ARHGAP32: variants seen among roughly 807,000 people sequenced by gnomAD.
ARHGAP32 encodes the protein rho GTPase-activating protein 32.
A neutral mutation model predicts 186.5 loss-of-function variants in ARHGAP32; 51 were observed. The observed-to-expected ratio is 0.27, with a 90% confidence interval of 0.22 to 0.35. ARHGAP32 has a LOEUF of 0.35. Among genes scored for constraint, ARHGAP32 ranks in the 10% least tolerant of loss-of-function variants. ARHGAP32 has a pLI of 1.00. For missense variants in ARHGAP32, 2,186 were observed against 2,623.5 expected, an observed-to-expected ratio of 0.83 and a Z score of 3.64; for synonymous variants, 950 against 964.3, an observed-to-expected ratio of 0.99 and a Z score of 0.27.
Position 128,973,164 on chromosome 11 carries a change from G to C in ARHGAP32, c.3342C>G (p.Thr1114=). Residue 1114 remains threonine (T), a synonymous_variant, in exon 22 of 23, where the codon ACC becomes ACG. Coordinates refer to ENST00000682385, the MANE Select transcript of ARHGAP32 (RefSeq NM_001378024.1). ...AVALDKAYFQ[T]DRPAEQFHLQ... ...GGTGGAACTGCTCTGCTGGTCGATCGGTTTGGAAATAGGCCTTATCTAGAG... is the reference window on the plus strand; with the variant it reads ...GGTGGAACTGCTCTGCTGGTCGATCCGTTTGGAAATAGGCCTTATCTAGAG... 1.2e-6 allele frequency: 2 copies of C among 1,614,128 alleles called. No individual in the cohort carries two copies. The highest frequency in any genetic ancestry group is 1.7e-6 in the Non-Finnish European group (2 of 1,180,030).
chr11:128,991,027 G>A (rs4604904), intron 12 of ARHGAP32, among the ~76,000 whole-genome samples: 27,520 of 151,890 alleles, frequency 0.18, 2,634 homozygotes, highest in Non-Finnish European at 0.2. Flanking sequence ...CAGGCTCTCC[G>A]AGCACACATA....
intron 2 of ARHGAP32, among the ~76,000 whole-genome samples, chr11:129,162,148 G>C (rs1419268651): frequency 6.6e-6 from 1 of 152,124 alleles, no homozygotes; most frequent in Admixed American, 6.5e-5. Context: ...GCCTGTCAGG[G>C]GGTGGGGGCT....
chr11:129,249,201 G>C (rs1945145114), intron 1 of ARHGAP32, among the ~76,000 whole-genome samples: 1 of 151,660 alleles, frequency 6.6e-6, no homozygotes, highest in African/African-American at 2.4e-5. Flanking sequence ...AGACACTACT[G>C]AGACACACCA....
intron 18 of ARHGAP32, chr11:128,980,341 T>C (rs1945672249): frequency 2.4e-6 from 1 of 411,840 alleles, no homozygotes; most frequent in Admixed American, 4.2e-5. Context: ...TCTTCTTTTA[T>C]AAAATTACAT....
chr11:129,259,396 G>A (rs1945293574), intron 1 of ARHGAP32, among the ~76,000 whole-genome samples: 1 of 151,998 alleles, frequency 6.6e-6, no homozygotes, highest in Non-Finnish European at 1.5e-5. Context: ...ACTGAGAGAT[G>A]TTACTAGTTT....
At chr11:129,188,330 T>C (rs1299640597) in intron 1 of ARHGAP32, among the ~76,000 whole-genome samples, 1 of 152,160 alleles carries the variant, frequency 6.6e-6, no homozygotes, top group Non-Finnish European at 1.5e-5. Flanking sequence ...AAATCAAGAA[T>C]TTCTGCAGAA....
chr11:129,216,090 G>A lies in ARHGAP32; in HGVS notation c.-4-51663C>T, dbSNP rs373479142. Among the ~76,000 whole-genome samples, 150 of 152,172 alleles carry A rather than the reference G, an allele frequency of 9.9e-4. 1 individual carries two copies. The highest frequency in any genetic ancestry group is 3.3e-3 in the African/African-American group (138 of 41,522). ...AATTCTCACCTAGAGCCTCTGGAGC[G>A]AGCACAACCCTGCCCACACCTTATT... On this transcript the variant is annotated intron_variant, in intron 1 of 6. Coordinates refer to the ARHGAP32 transcript ENST00000525234.
intron 2 of ARHGAP32, among the ~76,000 whole-genome samples, chr11:129,132,259 G>A (rs943024924): frequency 3.9e-5 from 6 of 152,146 alleles, no homozygotes; most frequent in African/African-American, 1.2e-4. Context: ...CAAGAAGATC[G>A]CTTGAATCCA....
intron 11 of ARHGAP32, among the ~76,000 whole-genome samples, chr11:129,005,558 T>C (rs1937718482): frequency 6.6e-6 from 1 of 152,288 alleles, no homozygotes; most frequent in East Asian, 1.9e-4. Flanking sequence ...CTTTAGCACT[T>C]TAAATATGTC....
intron 6 of ARHGAP32, among the ~76,000 whole-genome samples, chr11:129,091,620 A>G (rs1406250037): frequency 6.6e-6 from 1 of 152,104 alleles, no homozygotes; most frequent in Non-Finnish European, 1.5e-5. Context: ...ACAGAGATAT[A>G]AAATTTGTAA....
chr11:129,229,252 C>T (rs143862474), intron 1 of ARHGAP32, among the ~76,000 whole-genome samples: 8 of 152,134 alleles, frequency 5.3e-5, no homozygotes, highest in African/African-American at 1.9e-4. Flanking sequence ...ACCTCACATA[C>T]TTATAAAGTG....
At chr11:129,068,178 T>C (rs1028561208) in intron 6 of ARHGAP32, among the ~76,000 whole-genome samples, 5 of 152,052 alleles carry the variant, frequency 3.3e-5, no homozygotes, top group African/African-American at 9.7e-5. Context: ...TATCCCCACA[T>C]TTCACAGCTT....
rs762921561 is a variant in ARHGAP32 at position 128,981,481 on chromosome 11, A to C, written c.1715T>G (p.Phe572Cys). ...CAGCACATCAACGTGATTCAGGATG[A>C]ACTCAACAACCACAGACTGAATCCT... ...EVRIQSVVVEFILNHVDVLFS... is the reference protein window; with the variant it reads ...EVRIQSVVVECILNHVDVLFS... The change falls in exon 17 of 23, where the codon TTC becomes TGC. Residue 572 changes from phenylalanine to cysteine, a missense_variant. Physicochemically the swap from Phe to Cys is radical, Grantham distance 205 (BLOSUM62 -2). Transcript: ENST00000682385. 6.8e-6 allele frequency: 11 copies of C among 1,614,000 alleles called. No individual in the cohort carries two copies. Among genetic ancestry groups the C allele is most frequent in the Middle Eastern group, 1.7e-4 (1 of 6,046 alleles).
chr11:129,169,559 A>T (rs1391079895), intron 1 of ARHGAP32, among the ~76,000 whole-genome samples: 1 of 136,476 alleles, frequency 7.3e-6, no homozygotes, highest in East Asian at 2.3e-4. Flanking sequence ...TGAACCCGGG[A>T]GGTGAAGCTT....
chr11:129,262,569 T>C (rs1945337821), intron 1 of ARHGAP32, among the ~76,000 whole-genome samples: 2 of 151,948 alleles, frequency 1.3e-5, no homozygotes, highest in South Asian at 2.1e-4. Context: ...TTTTTTTTAG[T>C]AGACAGGGTT....
chr11:129,231,484 G>A (rs1178255570), intron 1 of ARHGAP32, among the ~76,000 whole-genome samples: 1 of 152,164 alleles, frequency 6.6e-6, no homozygotes, highest in Admixed American at 6.5e-5. Flanking sequence ...ACCTAGGGAA[G>A]TCCTGGTTCC....
intron 19 of ARHGAP32, 74 bp downstream of exon 19, chr11:128,978,696 A>G: frequency 1.4e-6 from 2 of 1,454,966 alleles, no homozygotes; most frequent in Non-Finnish European, 9.2e-7. Context: ...TCATAACAAT[A>G]TGTGAAGAAC....
At chr11:128,974,013 T>A in intron 21 of ARHGAP32, 111 bp downstream of exon 21, 2 of 1,331,080 alleles carry the variant, frequency 1.5e-6, no homozygotes, top group South Asian at 2.8e-5. Flanking sequence ...AAGCATTCTC[T>A]TTGATTAAAG....
At chr11:129,190,168 G>A (rs1944243656) in intron 1 of ARHGAP32, among the ~76,000 whole-genome samples, 1 of 151,984 alleles carries the variant, frequency 6.6e-6, no homozygotes, top group African/African-American at 2.4e-5. Context: ...CTACTATTTG[G>A]TCCTCCCAAG....
Sources: gnomAD v4.1 joint callset for allele counts (sites outside exome capture counted in the v4.1 genomes callset) on GRCh38, gnomAD v4.1.1 for gene constraint, MANE v1.5 for transcripts, NCBI Gene and HGNC (gene_info 2026-07-23, HGNC 2026-07-21) for gene names.